UNC5D: variants seen among roughly 807,000 people sequenced by gnomAD.
UNC5D encodes the protein unc-5 netrin receptor D.
In UNC5D, 39 loss-of-function variants were observed where a neutral mutation model predicts 105.4. The ratio of observed to expected loss-of-function variants is 0.37; its 90% CI spans 0.29 to 0.48. UNC5D has a LOEUF of 0.48. UNC5D is among the 20% of genes least tolerant of loss of function. UNC5D has a pLI of 0.98. For missense variants in UNC5D, 991 were observed against 1,202.4 expected, an observed-to-expected ratio of 0.82 and a Z score of 2.60; for synonymous variants, 452 against 450.4, an observed-to-expected ratio of 1.00 and a Z score of -0.04.
chr8:35,783,823 G>A (rs1392816563), intron 16 of UNC5D, among the ~76,000 whole-genome samples: 1 of 151,988 alleles, frequency 6.6e-6, no homozygotes, highest in Non-Finnish European at 1.5e-5. Flanking sequence ...AGACCTATAA[G>A]GCAGAATTCT....
intron 4 of UNC5D, among the ~76,000 whole-genome samples, chr8:35,676,222 A>T (rs1410883583): frequency 6.6e-6 from 1 of 152,228 alleles, no homozygotes; most frequent in Non-Finnish European, 1.5e-5. Context: ...TAAACTGGAA[A>T]AAAAATCTAC....
intron 1 of UNC5D, among the ~76,000 whole-genome samples, chr8:35,538,439 A>ATATATATATATG (rs1563514252): frequency 3.9e-5 from 5 of 126,884 alleles, no homozygotes; most frequent in African/African-American, 1.5e-4. Context: ...ATATATATAT[A>ATATATATATATG]TGAATTTTAT....
chr8:35,316,672 G>A (rs1461310392), intron 1 of UNC5D, among the ~76,000 whole-genome samples: 5 of 152,104 alleles, frequency 3.3e-5, no homozygotes, highest in Non-Finnish European at 5.9e-5. Flanking sequence ...GATGTTTCAC[G>A]TGAGCCTGAA....
chr8:35,588,318 A>T (rs1351288100), intron 3 of UNC5D, among the ~76,000 whole-genome samples: 1 of 152,132 alleles, frequency 6.6e-6, no homozygotes, highest in Non-Finnish European at 1.5e-5. Flanking sequence ...GCAAGAAAAA[A>T]GTGAGAGAGC....
At chr8:35,688,004 C>A (rs1826136284) in intron 7 of UNC5D, among the ~76,000 whole-genome samples, 1 of 151,938 alleles carries the variant, frequency 6.6e-6, no homozygotes, top group African/African-American at 2.4e-5. Context: ...TGGTGGCAGG[C>A]ACCTGTAGTC....
chr8:35,733,811 G>T (rs936029212), intron 11 of UNC5D, among the ~76,000 whole-genome samples: 1 of 152,170 alleles, frequency 6.6e-6, no homozygotes, highest in African/African-American at 2.4e-5. Flanking sequence ...GAGGGGTACA[G>T]GGGTGAGGAT....
chr8:35,258,683 C>T (rs1195901848), intron 1 of UNC5D, among the ~76,000 whole-genome samples: 1 of 151,798 alleles, frequency 6.6e-6, no homozygotes, highest in African/African-American at 2.4e-5. Flanking sequence ...ATTTGAGACA[C>T]TGTGCTGGAA....
chr8:35,343,455 C>A (rs1811596862), intron 1 of UNC5D, among the ~76,000 whole-genome samples: 2 of 152,024 alleles, frequency 1.3e-5, no homozygotes, highest in South Asian at 4.1e-4. Context: ...GTATGATACA[C>A]AGTCCTCTTT....
rs758949718 is a variant in UNC5D, at chr8:35,731,039, C to T, written c.1709C>T (p.Ala570Val). 6.2e-7 allele frequency: 1 copy of T among 1,613,846 alleles called. No homozygotes were observed. Among genetic ancestry groups the T allele is most frequent in the Admixed American group, 1.7e-5 (1 of 59,996 alleles). The change falls in exon 11 of 17, where the codon GCC (alanine) becomes GTC (valine). Residue 570 changes from alanine (A) to valine (V), a missense_variant. Physicochemically the swap from Ala to Val is moderately conservative, Grantham distance 64. Around this residue, in one of 3 missense-constraint regions of UNC5D, gnomAD observed 944 missense variants for 1,131.6 expected, o/e 0.83. Coordinates refer to ENST00000404895, the MANE Select transcript of UNC5D (RefSeq NM_080872.4). ...TGVSLLIPHG[A>V]IPEENSWEIY... is the part of the protein sequence containing the mutation. Reference sequence around the variant, plus strand: ...GTGAGCTTACTCATACCACACGGTGCCATCCCAGAGGAGAATTCTTGGGAG... The same window carrying T: ...GTGAGCTTACTCATACCACACGGTGTCATCCCAGAGGAGAATTCTTGGGAG...
intron 16 of UNC5D, among the ~76,000 whole-genome samples, chr8:35,780,465 G>T (rs1018953004): frequency 6.6e-6 from 1 of 152,328 alleles, no homozygotes; most frequent in Middle Eastern, 3.4e-3. Flanking sequence ...CCGAGGAAAA[G>T]GATGGAGGAA....
chr8:35,240,865 C>T (rs1301662393), intron 1 of UNC5D, among the ~76,000 whole-genome samples: 1 of 152,116 alleles, frequency 6.6e-6, no homozygotes, highest in African/African-American at 2.4e-5. Context: ...CGCCCTCTCC[C>T]CATTCAGCTT....
At chr8:35,613,133 A>C (rs1820799591) in intron 4 of UNC5D, among the ~76,000 whole-genome samples, 1 of 152,204 alleles carries the variant, frequency 6.6e-6, no homozygotes, top group Non-Finnish European at 1.5e-5. Context: ...GCTGGAGTGC[A>C]GTGGCACGAT....
chr8:35,383,501 G>A (rs1307819580), intron 1 of UNC5D, among the ~76,000 whole-genome samples: 4 of 152,146 alleles, frequency 2.6e-5, no homozygotes, highest in African/African-American at 9.7e-5. Context: ...TATTATCTTA[G>A]AGGTTTCCAG....
chr8:35,759,323 G>A lies in UNC5D; in HGVS notation c.2167G>A (p.Val723Met), dbSNP rs1343230321. The change falls in exon 14 of 17, where the codon GTG becomes ATG. Residue 723 changes from valine (V) to methionine (M), a missense_variant. Coordinates refer to ENST00000404895, the MANE Select transcript of UNC5D (RefSeq NM_080872.4). ...TTTTCTTTTTCTTCTCCTATAGGAA[G>A]TGGTTTCAGATGAAAGGCATCAAGG... ...VDNTPCAFQE[V>M]VSDERHQGGQ... The A allele has an allele frequency of 6.2e-7, 1 of 1,612,550 alleles. No homozygotes were observed.
At chr8:35,496,069 G>T (rs1811571574) in intron 1 of UNC5D, among the ~76,000 whole-genome samples, 1 of 152,174 alleles carries the variant, frequency 6.6e-6, no homozygotes, top group Non-Finnish European at 1.5e-5. Context: ...GTGGTTCTTT[G>T]AGAACAATAA....
rs1029550095 is a variant in UNC5D at position 35,721,395 on chromosome 8, C to T, written c.1118-815C>T. On this transcript the variant is annotated intron_variant, in intron 8 of 16. Coordinates refer to ENST00000404895, the MANE Select transcript of UNC5D (RefSeq NM_080872.4). The stretch of plus-strand genomic sequence containing the variant: ...TAGCACATCTTGCGGGGTGGGGAGG[C>T]ACCCACATTCTAAATTCAAACTAAC... 3 of 702,528 alleles carry T rather than the reference C, an allele frequency of 4.3e-6. No homozygotes were observed. The African/African-American group carries it at 5.2e-5, about 12-fold the overall frequency. The allele number at this position is 702,528 out of a possible 1,614,324, so 43.5% of individuals were successfully genotyped here.
At chr8:35,352,471 GAGAAA>G (rs1217290617) in intron 1 of UNC5D, among the ~76,000 whole-genome samples, 79 of 152,128 alleles carry the variant, frequency 5.2e-4, no homozygotes, top group African/African-American at 1.8e-3. Flanking sequence ...CTGTTCTTTA[GAGAAA>G]AGAAGTTATT....
chr8:35,509,852 C>T (rs1436306407), intron 1 of UNC5D, among the ~76,000 whole-genome samples: 2 of 152,058 alleles, frequency 1.3e-5, no homozygotes, highest in Non-Finnish European at 2.9e-5. Context: ...CTGGGGTTCT[C>T]ACAACCCCTC....
intron 1 of UNC5D, among the ~76,000 whole-genome samples, chr8:35,457,703 G>A (rs780146245): frequency 6.6e-6 from 1 of 152,102 alleles, no homozygotes; most frequent in African/African-American, 2.4e-5. Context: ...ATGACTGAGG[G>A]AAGTTCTCTG....
Sources: allele counts gnomAD v4.1 joint callset (sites outside exome capture counted in the v4.1 genomes callset), GRCh38; gene constraint gnomAD v4.1.1; regional missense constraint gnomAD v4.1.1; transcripts MANE v1.5; gene names NCBI Gene and HGNC (gene_info 2026-07-23, HGNC 2026-07-21).